Variants in TBC1D22A observed in about 807,000 individuals in gnomAD.
The protein encoded by TBC1D22A is putative GTPase activator.
A neutral mutation model predicts 60.2 loss-of-function variants in TBC1D22A; 38 were observed. The ratio of observed to expected loss-of-function variants is 0.63; its 90% confidence interval spans 0.49 to 0.83. The LOEUF (loss-of-function observed/expected upper bound fraction) is 0.83. Ranked by LOEUF, TBC1D22A falls within the 40% of genes least tolerant of loss-of-function variation. The pLI is 0.00. For missense variants in TBC1D22A, 628 were observed against 701.0 expected, an observed-to-expected ratio of 0.90 and a Z score of 1.18; for synonymous variants, 302 against 281.7, an observed-to-expected ratio of 1.07 and a Z score of -0.72.
chr22:47,132,829 C>T (rs567984506), intron 12 of TBC1D22A, among the ~76,000 whole-genome samples: 6 of 150,558 alleles, frequency 4.0e-5, no homozygotes, highest in South Asian at 2.1e-4. Flanking sequence ...CCCGAGTGTC[C>T]GCGGAAACGC....
At chr22:46,942,414 G>A (rs913767971) in intron 8 of TBC1D22A, among the ~76,000 whole-genome samples, 5 of 152,132 alleles carry the variant, frequency 3.3e-5, no homozygotes, top group African/African-American at 9.7e-5. Flanking sequence ...AGTGACTTCC[G>A]TGGGTAATTA....
intron 11 of TBC1D22A, among the ~76,000 whole-genome samples, chr22:47,081,151 C>T (rs1305743838): frequency 6.8e-6 from 1 of 147,942 alleles, no homozygotes; most frequent in East Asian, 2.0e-4. Context: ...AATGACAGTA[C>T]ACACTGAGTA....
chr22:47,065,745 GTGT>G (rs886947583), intron 11 of TBC1D22A, among the ~76,000 whole-genome samples: 3 of 89,366 alleles, frequency 3.4e-5, no homozygotes, highest in Non-Finnish European at 6.5e-5. Context: ...CTGGTTTTTA[GTGT>G]TGTGTTTTGT....
intron 11 of TBC1D22A, among the ~76,000 whole-genome samples, chr22:47,075,235 A>G (rs912880986): frequency 3.3e-5 from 5 of 151,468 alleles, no homozygotes; most frequent in Admixed American, 1.3e-4. Context: ...AAAAAAAAAA[A>G]AGAGAACCAA....
chr22:46,778,690 T>G (rs766378137), intron 1 of TBC1D22A, among the ~76,000 whole-genome samples: 2 of 152,116 alleles, frequency 1.3e-5, no homozygotes, highest in African/African-American at 2.4e-5. Flanking sequence ...GTTTTACAGC[T>G]TTTATTGTAT....
chr22:46,898,415 G>C (rs1399678050), intron 7 of TBC1D22A, among the ~76,000 whole-genome samples: 1 of 152,200 alleles, frequency 6.6e-6, no homozygotes, highest in Non-Finnish European at 1.5e-5. Flanking sequence ...CTCCCGGGAT[G>C]ATTTTCAGGG....
intron 11 of TBC1D22A, among the ~76,000 whole-genome samples, chr22:47,087,427 A>C (rs8139902): frequency 0.012 from 1,774 of 152,368 alleles, 28 homozygotes; most frequent in African/African-American, 0.041. Context: ...AATCAAATGA[A>C]AAGAGAACCT....
intron 8 of TBC1D22A, among the ~76,000 whole-genome samples, chr22:46,961,308 T>G (rs780580960): frequency 2.0e-5 from 3 of 152,206 alleles, no homozygotes; most frequent in Non-Finnish European, 4.4e-5. Context: ...CCACCTTCCT[T>G]ATGTATTTGT....
At chr22:47,014,161 C>T (rs898747762) in intron 10 of TBC1D22A, among the ~76,000 whole-genome samples, 3 of 152,228 alleles carry the variant, frequency 2.0e-5, no homozygotes, top group Non-Finnish European at 4.4e-5. Flanking sequence ...TCATCAGGTG[C>T]ATCCGGGCTA....
intron 12 of TBC1D22A, among the ~76,000 whole-genome samples, chr22:47,164,436 C>T (rs1046301254): frequency 2.6e-5 from 4 of 152,178 alleles, no homozygotes; most frequent in African/African-American, 7.2e-5. Context: ...TCAGGTTGAG[C>T]TCCTCCTAGG....
intron 7 of TBC1D22A, among the ~76,000 whole-genome samples, chr22:46,900,947 TTTAATCTTTACTATG>T (rs2147680773): frequency 6.6e-6 from 1 of 152,378 alleles, no homozygotes. Flanking sequence ...GACTTGTGAT[TTTAATCTTTACTATG>T]TTAAGGAAGG....
chr22:46,842,031 CTAA>C (rs2086794064), intron 4 of TBC1D22A, among the ~76,000 whole-genome samples: 1 of 152,160 alleles, frequency 6.6e-6, no homozygotes, highest in South Asian at 2.1e-4. Flanking sequence ...CCTGGTATCC[CTAA>C]TAATAACATT....
chr22:46,887,437 A>G (rs527873469), intron 5 of TBC1D22A, among the ~76,000 whole-genome samples: 8 of 152,278 alleles, frequency 5.3e-5, no homozygotes, highest in African/African-American at 1.9e-4. Flanking sequence ...TAGCAGGCCC[A>G]CTCCCAGGTA....
At chr22:47,110,248 G>A (rs1276345205) in intron 11 of TBC1D22A, among the ~76,000 whole-genome samples, 1 of 152,150 alleles carries the variant, frequency 6.6e-6, no homozygotes, top group East Asian at 1.9e-4. Flanking sequence ...GGGAGGCTGA[G>A]GCGAGTGGAT....
chr22:46,814,169 GTGT>G (rs2085495878), intron 4 of TBC1D22A, among the ~76,000 whole-genome samples: 1 of 152,234 alleles, frequency 6.6e-6, no homozygotes, highest in Non-Finnish European at 1.5e-5. Context: ...CAGATGGTCA[GTGT>G]TTGAAATTTA....
chr22:47,163,549 G>A (rs1051605523), intron 12 of TBC1D22A, among the ~76,000 whole-genome samples: 70 of 152,332 alleles, frequency 4.6e-4, no homozygotes, highest in Non-Finnish European at 3.8e-4. Flanking sequence ...GAAGGCAGAC[G>A]GGTGAGGTTG....
intron 1 of TBC1D22A, among the ~76,000 whole-genome samples, chr22:46,767,808 G>GCC (rs2083337249): frequency 7.9e-5 from 12 of 152,248 alleles, no homozygotes; most frequent in Admixed American, 7.2e-4. Context: ...AGGACTCCCA[G>GCC]AGCGATGCTG....
chr22:47,123,719 C>G (rs921766835), intron 12 of TBC1D22A, among the ~76,000 whole-genome samples: 1 of 152,212 alleles, frequency 6.6e-6, no homozygotes, highest in African/African-American at 2.4e-5. Flanking sequence ...AGATCGTTGT[C>G]TCCGTCTTTA....
intron 9 of TBC1D22A, among the ~76,000 whole-genome samples, chr22:46,981,213 C>T (rs958990186): frequency 1.3e-5 from 2 of 151,648 alleles, no homozygotes; most frequent in African/African-American, 2.4e-5. Flanking sequence ...GACCTTGACC[C>T]TGTATTTCTG....
Sources: gnomAD v4.1 joint callset for allele counts (sites outside exome capture counted in the v4.1 genomes callset) on GRCh38, gnomAD v4.1.1 for gene constraint, MANE v1.5 for transcripts, NCBI Gene and HGNC (gene_info 2026-07-23, HGNC 2026-07-21) for gene names.